Variants in BLTP1 observed in about 807,000 individuals in gnomAD.
BLTP1 encodes the protein fragile site-associated protein.
chr4:122,247,657 T>C, the BLTP1 span: 4 of 1,166,306 alleles, frequency 3.4e-6, no homozygotes, highest in Non-Finnish European at 3.2e-6. Flanking sequence ...TTGCTCGTTA[T>C]AGAACAGAGA....
chr4:122,216,998 G>A, the BLTP1 span, among the ~76,000 whole-genome samples: 1 of 152,094 alleles, frequency 6.6e-6, no homozygotes, highest in Non-Finnish European at 1.5e-5. Flanking sequence ...AGTTATCCCA[G>A]CACAATTTGC....
the BLTP1 span, chr4:122,343,460 C>A: frequency 6.2e-7 from 1 of 1,613,906 alleles, no homozygotes; most frequent in Non-Finnish European, 8.5e-7. Flanking sequence ...TAGTAGTAGT[C>A]AGTCAGACCT....
the BLTP1 span, chr4:122,220,576 G>T: frequency 1.1e-6 from 1 of 927,214 alleles, no homozygotes; most frequent in Non-Finnish European, 1.6e-6. Context: ...AGCTCTTTAA[G>T]TTGGAGACTT....
chr4:122,250,673 GTCTTTCCCTA>G, the BLTP1 span: 1 of 1,168,576 alleles, frequency 8.6e-7, no homozygotes, highest in Non-Finnish European at 1.2e-6. Context: ...GTATTTGCCT[GTCTTTCCCTA>G]TTTTGGATTT....
At chr4:122,246,113 G>T in the BLTP1 span, 1 of 1,521,984 alleles carries the variant, frequency 6.6e-7, no homozygotes, top group South Asian at 1.4e-5. Flanking sequence ...TGGAAGTTAT[G>T]AAAAGCTTGT....
chr4:122,240,069 G>T, the BLTP1 span: 3 of 1,614,086 alleles, frequency 1.9e-6, no homozygotes, highest in South Asian at 2.2e-5. Context: ...TCCTTCTCAG[G>T]CTTCATTTGT....
the BLTP1 span, among the ~76,000 whole-genome samples, chr4:122,216,702 A>G: frequency 5.9e-5 from 9 of 151,490 alleles, no homozygotes; most frequent in Non-Finnish European, 1.3e-4. Context: ...ATTTTCTTCC[A>G]CTCTGTGGGT....
the BLTP1 span, among the ~76,000 whole-genome samples, chr4:122,172,713 CT>C: frequency 6.6e-6 from 1 of 152,038 alleles, no homozygotes; most frequent in African/African-American, 2.4e-5. Flanking sequence ...AGTTTTTGGC[CT>C]AATAAAGGTG....
the BLTP1 span, among the ~76,000 whole-genome samples, chr4:122,157,308 A>G: frequency 2.0e-5 from 3 of 152,180 alleles, no homozygotes; most frequent in Non-Finnish European, 4.4e-5. Context: ...AGGAGGATGC[A>G]GCAAAGATGT....
the BLTP1 span, among the ~76,000 whole-genome samples, chr4:122,260,786 A>G: frequency 1.3e-5 from 2 of 152,100 alleles, no homozygotes; most frequent in Non-Finnish European, 2.9e-5. Context: ...TCTTTGCAGC[A>G]CTATTTATAA....
At chr4:122,257,067 G>A in the BLTP1 span, 1 of 181,656 alleles carries the variant, frequency 5.5e-6, no homozygotes, top group African/African-American at 2.4e-5. Context: ...ATTAGATTCT[G>A]TAGTCTACAT....
the BLTP1 span, chr4:122,182,560 C>T: frequency 2.7e-6 from 2 of 742,880 alleles, no homozygotes; most frequent in Non-Finnish European, 3.3e-6. Flanking sequence ...TGACATAATC[C>T]TACTCACTCA....
At chr4:122,166,727 G>GT in the BLTP1 span, among the ~76,000 whole-genome samples, 7 of 152,130 alleles carry the variant, frequency 4.6e-5, no homozygotes, top group Admixed American at 6.5e-5. Flanking sequence ...TCTTCCATTT[G>GT]TTTGTATCCT....
chr4:122,313,613 G>A, the BLTP1 span: 1 of 1,564,834 alleles, frequency 6.4e-7, no homozygotes, highest in Non-Finnish European at 8.7e-7. Context: ...TATTTTTGGG[G>A]TGATTTTTGT....
At chr4:122,205,685 T>A in the BLTP1 span, among the ~76,000 whole-genome samples, 1 of 146,660 alleles carries the variant, frequency 6.8e-6, no homozygotes, top group African/African-American at 2.5e-5. Context: ...TGTGCTATAA[T>A]AATACTGTTT....
At chr4:122,359,754 G>A in the BLTP1 span, 8 of 1,562,948 alleles carry the variant, frequency 5.1e-6, no homozygotes, top group Non-Finnish European at 6.9e-6. Context: ...TTACCCATAT[G>A]CTAAGGGATT....
At chr4:122,272,906 A>G in the BLTP1 span, among the ~76,000 whole-genome samples, 9 of 152,060 alleles carry the variant, frequency 5.9e-5, no homozygotes, top group African/African-American at 1.9e-4. Flanking sequence ...GAGCCCATCA[A>G]TTTGAAGATG....
chr4:122,210,823 T>C, the BLTP1 span: 1 of 1,564,844 alleles, frequency 6.4e-7, no homozygotes, highest in South Asian at 1.2e-5. Context: ...CTTGAAGATC[T>C]TCCAAGAAGT....
chr4:122,264,611 T>C, the BLTP1 span, among the ~76,000 whole-genome samples: 1 of 152,212 alleles, frequency 6.6e-6, no homozygotes, highest in East Asian at 1.9e-4. Context: ...AAATGCAAAT[T>C]AATTATCTAT....
Sources: gnomAD v4.1 joint callset for allele counts (sites outside exome capture counted in the v4.1 genomes callset) on GRCh38, gnomAD v4.1.1 for gene constraint, MANE v1.5 for transcripts, NCBI Gene and HGNC (gene_info 2026-07-23, HGNC 2026-07-21) for gene names.